P2RX5: variants seen among roughly 807,000 people sequenced by gnomAD.
P2RX5 encodes the protein purinergic receptor P2X 5, also known as P2X purinoceptor 5.
A neutral mutation model predicts 54.1 loss-of-function variants in P2RX5; 46 were observed. The ratio of observed to expected loss-of-function variants is 0.85; its 90% CI spans 0.67 to 1.09. The LOEUF (loss-of-function observed/expected upper bound fraction) is 1.09, where lower values mean the gene tolerates loss of function less well. Ranked by LOEUF, P2RX5 falls within the 50% of genes least tolerant of loss-of-function variation. The pLI, the probability that P2RX5 is intolerant of heterozygous loss-of-function variation, is 0.00. For synonymous variants in P2RX5, 226 were observed against 226.4 expected (o/e 1.00, Z 0.02); for missense variants, 566 against 549.8 (o/e 1.03, Z -0.29).
At chr17:3,701,746 G>GT in the P2RX5 span, among the ~76,000 whole-genome samples, 3,326 of 105,902 alleles carry the variant, frequency 0.031, 58 homozygotes, top group African/African-American at 0.058. Flanking sequence ...CATTTTCTCT[G>GT]TTTTTTTTTT....
chr17:3,677,005 T>A, intron 11 of P2RX5: 1 of 816,788 alleles, frequency 1.2e-6, no homozygotes, highest in Non-Finnish European at 1.5e-6. Flanking sequence ...GAGGTTCCAG[T>A]AAGCCAAGAT....
At chr17:3,696,745 G>C (rs749948781), upstream of P2RX5, among the ~76,000 whole-genome samples, 2 of 152,202 alleles carry the variant, frequency 1.3e-5, no homozygotes, top group Non-Finnish European at 2.9e-5. Context: ...CGGCCGGGAA[G>C]AGCTCCGTTT....
intron 9 of P2RX5, among the ~76,000 whole-genome samples, chr17:3,686,085 G>A (rs368396): frequency 1.1e-3 from 6 of 5,644 alleles, no homozygotes; most frequent in Non-Finnish European, 1.7e-3. Flanking sequence ...GCACAGCGGG[G>A]CCCCCAGGGA....
the P2RX5 span, among the ~76,000 whole-genome samples, chr17:3,712,928 G>A: frequency 1.3e-5 from 2 of 152,162 alleles, no homozygotes; most frequent in South Asian, 4.1e-4. Context: ...GGGCGACAGA[G>A]TGAGACTCCG....
chr17:3,674,184 G>A (rs1488449816), intron 11 of P2RX5, among the ~76,000 whole-genome samples: 2 of 152,104 alleles, frequency 1.3e-5, no homozygotes, highest in East Asian at 3.9e-4. Context: ...CGAGGCGAGC[G>A]CCTGTAGTCC....
intron 1 of P2RX5, 33 bp downstream of exon 1, chr17:3,695,820 ACCCGCCCTGCCCCTCC>A (rs1455359710): frequency 6.8e-7 from 1 of 1,479,306 alleles, no homozygotes. Context: ...GGCGGCTGGC[ACCCGCCCTGCCCCTCC>A]CCCGCCTTCC....
At chr17:3,719,281 C>G in the P2RX5 span, among the ~76,000 whole-genome samples, 2 of 137,530 alleles carry the variant, frequency 1.5e-5, no homozygotes, top group Non-Finnish European at 3.0e-5. Flanking sequence ...AAGAAATACA[C>G]TACTTAAAAA....
chr17:3,704,125 C>CA, the P2RX5 span, among the ~76,000 whole-genome samples: 818 of 120,136 alleles, frequency 6.8e-3, 7 homozygotes, highest in African/African-American at 0.02. Flanking sequence ...AAACAAAACC[C>CA]AAAAAACCAC....
chr17:3,696,029 G>T lies in P2RX5; in HGVS notation c.-24C>A, dbSNP rs1341756717. On this transcript the variant is annotated 5_prime_UTR_variant, in exon 1 of 12. Coordinates refer to ENST00000225328, the MANE Select transcript of P2RX5 (RefSeq NM_002561.4). Reference sequence around the variant, plus strand: ...ATGGCGCGCTCTCAGCCGGGCTTGCGGACCGCCCGGCCCACGTGCGCTCAT... The same window carrying T: ...ATGGCGCGCTCTCAGCCGGGCTTGCTGACCGCCCGGCCCACGTGCGCTCAT... 1 of 1,612,022 alleles carries T rather than the reference G, an allele frequency of 6.2e-7. No homozygotes were observed. The highest frequency in any genetic ancestry group is 8.5e-7 in the Non-Finnish European group (1 of 1,179,058).
chr17:3,695,843 T>G (rs368998455), intron 1 of P2RX5, 26 bp downstream of exon 1: 253 of 1,049,122 alleles, frequency 2.4e-4, no homozygotes, highest in Middle Eastern at 1.8e-3. Flanking sequence ...CTCCCCCGCC[T>G]TCCCAAAAGT....
the P2RX5 span, among the ~76,000 whole-genome samples, chr17:3,713,486 C>T: frequency 3.3e-5 from 5 of 152,142 alleles, no homozygotes; most frequent in African/African-American, 9.7e-5. Flanking sequence ...CGCGGTGGCT[C>T]ATGCCTGTAA....
At chr17:3,695,824 G>GGCCCCCCCCCCC in intron 1 of P2RX5, 45 bp downstream of exon 1, 1 of 820,494 alleles carries the variant, frequency 1.2e-6, no homozygotes, top group Non-Finnish European at 2.0e-6. Context: ...GCTGGCACCC[G>GGCCCCCCCCCCC]CCCTGCCCCT....
At chr17:3,684,432 C>A (rs574663353) in intron 9 of P2RX5, among the ~76,000 whole-genome samples, 5 of 152,352 alleles carry the variant, frequency 3.3e-5, no homozygotes, top group African/African-American at 1.2e-4. Flanking sequence ...AGTGAGACCC[C>A]ATTTCTACAA....
intron 1 of P2RX5, among the ~76,000 whole-genome samples, chr17:3,694,933 C>T (rs1023432298): frequency 6.6e-6 from 1 of 152,132 alleles, no homozygotes; most frequent in East Asian, 1.9e-4. Flanking sequence ...TGGAGGAGGA[C>T]GGGCAGGCCT....
chr17:3,677,382 C>T, intron 11 of P2RX5: 1 of 985,400 alleles, frequency 1.0e-6, no homozygotes, highest in Non-Finnish European at 1.2e-6. Context: ...AGGCCTCTTG[C>T]CTCCCCTTCC....
the P2RX5 span, among the ~76,000 whole-genome samples, chr17:3,712,078 G>T: frequency 7.2e-5 from 11 of 152,244 alleles, no homozygotes; most frequent in East Asian, 1.3e-3. Flanking sequence ...AAAAGCAGGG[G>T]CTTTTATATA....
chr17:3,679,695 C>A lies in P2RX5; in HGVS notation c.1154G>T (p.Gly385Val), dbSNP rs1362186209. 6.2e-7 allele frequency: 1 copy of A among 1,612,198 alleles called. No homozygotes were observed. Among genetic ancestry groups the A allele is most frequent in the Non-Finnish European group, 8.5e-7 (1 of 1,179,822 alleles). Residue 385 changes from glycine (G) to valine (V), a missense_variant, in exon 11 of 12, where the codon GGG (glycine) becomes GTG (valine). Coordinates refer to ENST00000225328, the MANE Select transcript of P2RX5 (RefSeq NM_002561.4). Reference protein sequence around the residue: ...EQLTSGPGLLGMPEQQELQEP... With the variant: ...EQLTSGPGLLVMPEQQELQEP... ...CTGCAGCTCCTGCTGCTCCGGCATCCCCAGCAGCCCTGGCCCAGATGTGAG... is the reference window on the plus strand; with the variant it reads ...CTGCAGCTCCTGCTGCTCCGGCATCACCAGCAGCCCTGGCCCAGATGTGAG...
chr17:3,722,727 G>C, the P2RX5 span, among the ~76,000 whole-genome samples: 1 of 152,184 alleles, frequency 6.6e-6, no homozygotes, highest in African/African-American at 2.4e-5. Flanking sequence ...ACCAGATCAA[G>C]TACTGCCTTG....
chr17:3,681,989 G>A lies in P2RX5; in HGVS notation c.982-11C>T, dbSNP rs117935905. Reference sequence around the variant, plus strand: ...GCAGAAGAAAGCACCCTGCAAAACAGGGGTTCCTGATTCAGAATCCTAGAC... The same window carrying A: ...GCAGAAGAAAGCACCCTGCAAAACAAGGGTTCCTGATTCAGAATCCTAGAC... On this transcript the variant is annotated splice_polypyrimidine_tract_variant and intron_variant, in intron 9 of 11. Coordinates refer to ENST00000225328, the MANE Select transcript of P2RX5 (RefSeq NM_002561.4). The A allele has an allele frequency of 9.8e-3, 15,626 of 1,597,714 alleles. 127 individuals are homozygous for A. Among genetic ancestry groups the A allele is most frequent in the East Asian group, 0.028 (1,236 of 44,794 alleles).
Sources: gnomAD v4.1 joint callset for allele counts (sites outside exome capture counted in the v4.1 genomes callset) on GRCh38, gnomAD v4.1.1 for gene constraint, MANE v1.5 for transcripts, NCBI Gene and HGNC (gene_info 2026-07-23, HGNC 2026-07-21) for gene names.